Variants in AGBL1 observed in about 807,000 individuals in gnomAD.
AGBL1 encodes the protein AGBL carboxypeptidase 1, also known as cytosolic carboxypeptidase 4.
A neutral mutation model predicts 118.9 loss-of-function variants in AGBL1; 130 were observed. The observed-to-expected ratio is 1.09, with a 90% confidence interval of 0.95 to 1.26. The LOEUF (loss-of-function observed/expected upper bound fraction) is 1.26, where lower values mean the gene tolerates loss of function less well. Among genes scored for constraint, AGBL1 ranks in the 50% most tolerant of loss-of-function variants. The pLI, the probability that AGBL1 is intolerant of heterozygous loss-of-function variation, is 0.00. For missense variants in AGBL1, 1,584 were observed against 1,298.1 expected (o/e 1.22, Z -3.38); for synonymous variants, 555 against 478.9 (o/e 1.16, Z -2.08).
At chr15:86,196,881 A>ACGCG (rs1567119188) in intron 5 of AGBL1, among the ~76,000 whole-genome samples, 1 of 59,758 alleles carries the variant, frequency 1.7e-5, no homozygotes, top group African/African-American at 6.3e-5. Flanking sequence ...GCGCGCGCGC[A>ACGCG]CACACACACA....
chr15:86,629,987 G>A (rs2084940203), intron 21 of AGBL1, among the ~76,000 whole-genome samples: 1 of 152,220 alleles, frequency 6.6e-6, no homozygotes, highest in Admixed American at 6.5e-5. Context: ...AGCCAAAGCA[G>A]ATGCTTATTG....
At chr15:86,468,704 T>C (rs2082439053) in intron 18 of AGBL1, among the ~76,000 whole-genome samples, 1 of 152,224 alleles carries the variant, frequency 6.6e-6, no homozygotes, top group South Asian at 2.1e-4. Flanking sequence ...ATAGCATTTC[T>C]CTTCATCACC....
chr15:86,777,000 T>C (rs1391855693), intron 22 of AGBL1, among the ~76,000 whole-genome samples: 7 of 152,164 alleles, frequency 4.6e-5, no homozygotes, highest in African/African-American at 1.7e-4. Context: ...CTTCTATACA[T>C]TTTTCTAAAC....
intron 17 of AGBL1, among the ~76,000 whole-genome samples, chr15:86,358,701 A>T (rs950030517): frequency 8.6e-5 from 13 of 151,692 alleles, no homozygotes; most frequent in African/African-American, 3.2e-4. Context: ...ATCTTTTTTA[A>T]ATAATAGCCA....
At chr15:86,745,986 T>C (rs1421616396) in intron 22 of AGBL1, among the ~76,000 whole-genome samples, 4 of 152,050 alleles carry the variant, frequency 2.6e-5, no homozygotes, top group Non-Finnish European at 5.9e-5. Flanking sequence ...CATTCTTTGA[T>C]GTGCTAAGAA....
intron 21 of AGBL1, among the ~76,000 whole-genome samples, chr15:86,555,069 ACT>A (rs1317630893): frequency 6.6e-6 from 1 of 152,066 alleles, no homozygotes; most frequent in Non-Finnish European, 1.5e-5. Context: ...TGGGTTTTGG[ACT>A]CATATGCTAG....
At chr15:86,173,032 A>T (rs1013772432) in intron 5 of AGBL1, among the ~76,000 whole-genome samples, 1 of 151,766 alleles carries the variant, frequency 6.6e-6, no homozygotes. Flanking sequence ...TGTCTTTTTG[A>T]TAACAGCCAT....
intron 21 of AGBL1, among the ~76,000 whole-genome samples, chr15:86,596,051 C>G (rs1453075220): frequency 6.6e-6 from 1 of 152,040 alleles, no homozygotes; most frequent in African/African-American, 2.4e-5. Flanking sequence ...GTAAATCCAG[C>G]ACTCTGGGAA....
chr15:86,940,060 C>CTTTTTTTTTTTTTT (rs5814267), intron 23 of AGBL1, among the ~76,000 whole-genome samples: 3 of 59,418 alleles, frequency 5.0e-5, no homozygotes, highest in Non-Finnish European at 9.2e-5. Context: ...TTTGGTAGTC[C>CTTTTTTTTTTTTTT]TTTTTTTTTT....
chr15:86,462,361 A>T (rs2142087348), intron 18 of AGBL1, among the ~76,000 whole-genome samples: 1 of 152,140 alleles, frequency 6.6e-6, no homozygotes, highest in Middle Eastern at 3.4e-3. Context: ...CCTTTATTTA[A>T]GTTGTTCGCT....
intron 24 of AGBL1, among the ~76,000 whole-genome samples, chr15:87,005,649 C>A (rs957354774): frequency 6.6e-6 from 1 of 152,214 alleles, no homozygotes; most frequent in African/African-American, 2.4e-5. Flanking sequence ...CCTCCTCTAG[C>A]TCAGAGAAGT....
At chr15:86,117,271 C>G (rs1311005300) in intron 1 of AGBL1, among the ~76,000 whole-genome samples, 1 of 152,082 alleles carries the variant, frequency 6.6e-6, no homozygotes, top group Non-Finnish European at 1.5e-5. Flanking sequence ...TGGTCTGTTA[C>G]TAAGGAAAAT....
At chr15:86,410,842 A>ATATATATATATATATATATG (rs36174307) in intron 18 of AGBL1, among the ~76,000 whole-genome samples, 1 of 74,720 alleles carries the variant, frequency 1.3e-5, no homozygotes, top group African/African-American at 6.1e-5. Context: ...ATATATATAT[A>ATATATATATATATATATATG]ATATACTATT....
At chr15:86,614,634 T>C (rs1212626541) in intron 21 of AGBL1, among the ~76,000 whole-genome samples, 1 of 152,162 alleles carries the variant, frequency 6.6e-6, no homozygotes, top group Non-Finnish European at 1.5e-5. Flanking sequence ...CATCACTGAA[T>C]GTGATGTTAG....
At chr15:87,006,857 G>A (rs535969750) in intron 24 of AGBL1, among the ~76,000 whole-genome samples, 136 of 152,260 alleles carry the variant, frequency 8.9e-4, no homozygotes, top group African/African-American at 2.9e-3. Context: ...ACTACAGCCT[G>A]AGAAGAATGG....
intron 22 of AGBL1, among the ~76,000 whole-genome samples, chr15:86,789,389 C>G (rs1054650488): frequency 6.6e-6 from 1 of 152,136 alleles, no homozygotes; most frequent in Non-Finnish European, 1.5e-5. Flanking sequence ...TTCCCATCAC[C>G]GCAGCTTGTA....
At chr15:86,198,367 A>T (rs1214252326) in intron 5 of AGBL1, among the ~76,000 whole-genome samples, 1 of 152,218 alleles carries the variant, frequency 6.6e-6, no homozygotes, top group Non-Finnish European at 1.5e-5. Flanking sequence ...CAATAATTAG[A>T]TGAGAATTTG....
chr15:86,350,576 G>T (rs992518602), intron 17 of AGBL1, among the ~76,000 whole-genome samples: 18 of 152,158 alleles, frequency 1.2e-4, no homozygotes, highest in Non-Finnish European at 2.6e-4. Context: ...TTATACATGT[G>T]CTTGGTCTCC....
At chr15:86,138,166 A>G (rs532857990) in intron 1 of AGBL1, 2 of 152,306 alleles carry the variant, frequency 1.3e-5, no homozygotes, top group African/African-American at 2.4e-5. Flanking sequence ...GCTTTATTCA[A>G]TCTGGTCATA....
Sources: gnomAD v4.1 joint callset for allele counts (sites outside exome capture counted in the v4.1 genomes callset) on GRCh38, gnomAD v4.1.1 for gene constraint, MANE v1.5 for transcripts, NCBI Gene and HGNC (gene_info 2026-07-23, HGNC 2026-07-21) for gene names.